The following PLCE1 variants were observed in gnomAD, a reference collection of about 807,000 sequenced individuals.
PLCE1 encodes phospholipase C epsilon 1, also known as 1-phosphatidylinositol 4,5-bisphosphate phosphodiesterase epsilon-1.
A neutral mutation model predicts 242.8 loss-of-function variants in PLCE1; 119 were observed. That is an observed-to-expected ratio of 0.49 (90% CI 0.42 to 0.57). The LOEUF is 0.57. Ranked by LOEUF, PLCE1 falls within the 20% of genes least tolerant of loss-of-function variation. The pLI, the probability that PLCE1 is intolerant of heterozygous loss-of-function variation, is 0.00. For missense variants in PLCE1, 2,441 were observed against 2,788.8 expected, an observed-to-expected ratio of 0.88 and a Z score of 2.81; for synonymous variants, 945 against 1,017.4, an observed-to-expected ratio of 0.93 and a Z score of 1.35.
intron 3 of PLCE1, among the ~76,000 whole-genome samples, chr10:94,160,374 G>A (rs959461446): frequency 6.6e-6 from 1 of 152,198 alleles, no homozygotes; most frequent in African/African-American, 2.4e-5. Flanking sequence ...GGCCAGTGAT[G>A]ATGAGCATTT....
Position 94,210,783 on chromosome 10 carries a change from G to A in PLCE1, c.1810-16523G>A, listed in dbSNP as rs148866447. On this transcript the variant is annotated intron_variant, in intron 4 of 32. Coordinates refer to ENST00000371380, the MANE Select transcript of PLCE1 (RefSeq NM_016341.4). ...AGCTTCCTCTCTTCTAGGAAGCAGA[G>A]GAAGTTTTCTTCCTTTGGCTTCTCC... Among the ~76,000 whole-genome samples the A allele has an allele frequency of 1.8e-4, 27 of 152,240 alleles. No homozygotes were observed. In the East Asian group the frequency reaches 5.2e-3, roughly 29 times the overall value.
chr10:94,321,164 T>A (rs2053784913), intron 29 of PLCE1, among the ~76,000 whole-genome samples: 1 of 152,240 alleles, frequency 6.6e-6, no homozygotes, highest in Non-Finnish European at 1.5e-5. Context: ...ACCCAACCTG[T>A]CAATTTCATG....
chr10:94,112,199 A>T (rs1249151588), intron 2 of PLCE1, among the ~76,000 whole-genome samples: 1 of 152,150 alleles, frequency 6.6e-6, no homozygotes, highest in African/African-American at 2.4e-5. Context: ...ATTCTTTTTT[A>T]AAAATGCATG....
intron 4 of PLCE1, among the ~76,000 whole-genome samples, chr10:94,181,524 C>T (rs989733233): frequency 1.3e-5 from 2 of 150,926 alleles, no homozygotes; most frequent in East Asian, 2.0e-4. Flanking sequence ...TGCAGTGAGC[C>T]GAGATCACAC....
In PLCE1 at chr10:94,213,770, T is replaced by A. The variant is rs78610320; in HGVS notation, c.1810-13536T>A. On this transcript the variant is annotated intron_variant, in intron 4 of 32. Transcript: ENST00000371380. Reference sequence around the variant, plus strand: ...AAAAGGCCAACATTGTTTCCACAAGTGCTACATCTTGAAGAAGGAGCTGCT... The same window carrying A: ...AAAAGGCCAACATTGTTTCCACAAGAGCTACATCTTGAAGAAGGAGCTGCT... Among the ~76,000 whole-genome samples the A allele has an allele frequency of 4.9e-3, 749 of 152,364 alleles. 2 individuals carry two copies. The highest frequency in any genetic ancestry group is 0.016 in the African/African-American group (667 of 41,576).
intron 2 of PLCE1, among the ~76,000 whole-genome samples, chr10:94,085,472 G>A (rs1251222476): frequency 1.3e-5 from 2 of 152,104 alleles, no homozygotes; most frequent in Non-Finnish European, 2.9e-5. Flanking sequence ...CCATATTTTG[G>A]AATGTGTTTG....
At chr10:94,033,289 A>G (rs1438647921) in intron 2 of PLCE1, among the ~76,000 whole-genome samples, 2 of 152,034 alleles carry the variant, frequency 1.3e-5, no homozygotes, top group Admixed American at 1.3e-4. Context: ...TGGATTATGT[A>G]TATATACTTA....
At chr10:94,007,590 T>C (rs1462987304) in intron 1 of PLCE1, among the ~76,000 whole-genome samples, 26 of 149,864 alleles carry the variant, frequency 1.7e-4, no homozygotes, top group Middle Eastern at 3.5e-3. Context: ...TTTTTTTTTT[T>C]TTTTTTGCTA....
At chr10:94,256,052 C>T (rs1355834038) in intron 11 of PLCE1, among the ~76,000 whole-genome samples, 2 of 150,954 alleles carry the variant, frequency 1.3e-5, no homozygotes, top group African/African-American at 4.9e-5. Flanking sequence ...TGGCTGGGCA[C>T]GGTGGCTCTC....
At chr10:94,109,837 A>G (rs1332396499) in intron 2 of PLCE1, among the ~76,000 whole-genome samples, 1 of 150,786 alleles carries the variant, frequency 6.6e-6, no homozygotes, top group South Asian at 2.1e-4. Flanking sequence ...TTCTCTATTC[A>G]GAAAGCTCTG....
At chr10:94,151,932 T>C (rs1489272427) in intron 3 of PLCE1, among the ~76,000 whole-genome samples, 1 of 152,118 alleles carries the variant, frequency 6.6e-6, no homozygotes, top group Non-Finnish European at 1.5e-5. Flanking sequence ...TTTTTCCTAT[T>C]AGAAGTGGGT....
intron 1 of PLCE1, among the ~76,000 whole-genome samples, chr10:94,019,567 T>C (rs1166591693): frequency 6.6e-6 from 1 of 152,216 alleles, no homozygotes; most frequent in East Asian, 1.9e-4. Context: ...CTTTATGCGA[T>C]GATGGAAATG....
At chr10:94,322,770 A>G (rs1049005899) in intron 30 of PLCE1, among the ~76,000 whole-genome samples, 1 of 151,330 alleles carries the variant, frequency 6.6e-6, no homozygotes, top group Admixed American at 6.6e-5. Flanking sequence ...GGGCAACAAG[A>G]GTGAAACTTC....
intron 4 of PLCE1, among the ~76,000 whole-genome samples, chr10:94,216,589 G>A (rs1589364765): frequency 2.0e-5 from 3 of 152,266 alleles, no homozygotes; most frequent in East Asian, 3.9e-4. Context: ...GCCTCTGCCT[G>A]GGATACCTAG....
chr10:94,072,315 C>T (rs988319247), intron 2 of PLCE1, among the ~76,000 whole-genome samples: 3 of 151,884 alleles, frequency 2.0e-5, no homozygotes, highest in Non-Finnish European at 1.5e-5. Context: ...CTCGCTCTGT[C>T]ACCCAGGCCG....
intron 1 of PLCE1, among the ~76,000 whole-genome samples, chr10:94,001,505 C>T (rs1293552836): frequency 6.6e-6 from 1 of 152,082 alleles, no homozygotes; most frequent in African/African-American, 2.4e-5. Flanking sequence ...AAGAGACAGA[C>T]ATAAAGAGAG....
At chr10:94,152,017 A>C (rs2047291529) in intron 3 of PLCE1, among the ~76,000 whole-genome samples, 1 of 152,108 alleles carries the variant, frequency 6.6e-6, no homozygotes, top group Non-Finnish European at 1.5e-5. Flanking sequence ...TTAACTCAAG[A>C]TGGATTAAAG....
intron 22 of PLCE1, chr10:94,287,612 T>G (rs897552869): frequency 2.0e-5 from 3 of 151,754 alleles, no homozygotes; most frequent in Admixed American, 6.6e-5. Flanking sequence ...CTCCCAGGGG[T>G]GGGCTCTTTG....
intron 2 of PLCE1, among the ~76,000 whole-genome samples, chr10:94,124,906 T>G (rs1295373058): frequency 6.6e-6 from 1 of 152,242 alleles, no homozygotes; most frequent in African/African-American, 2.4e-5. Flanking sequence ...AATCCACATT[T>G]GGCTACAGCT....
Sources: gnomAD v4.1 joint callset for allele counts (sites outside exome capture counted in the v4.1 genomes callset) on GRCh38, gnomAD v4.1.1 for gene constraint, MANE v1.5 for transcripts, NCBI Gene and HGNC (gene_info 2026-07-23, HGNC 2026-07-21) for gene names.